Variants in SCAND3 observed in about 807,000 individuals in gnomAD.
SCAND3 encodes SCAN domain-containing protein 3.
At chr6:28,580,951 G>A in the SCAND3 span, among the ~76,000 whole-genome samples, 2 of 152,150 alleles carry the variant, frequency 1.3e-5, no homozygotes, top group South Asian at 2.1e-4. Flanking sequence ...ACCTTGGGTA[G>A]TGGTAATAAA....
At chr6:28,599,207 ACT>A in the SCAND3 span, among the ~76,000 whole-genome samples, 2 of 152,166 alleles carry the variant, frequency 1.3e-5, no homozygotes, top group South Asian at 4.1e-4. Flanking sequence ...GGATAGAAAA[ACT>A]CAATATTGTC....
chr6:28,574,816 G>C, the SCAND3 span: 1 of 1,614,036 alleles, frequency 6.2e-7, no homozygotes, highest in Non-Finnish European at 8.5e-7. Context: ...ATGTTGAGAG[G>C]GCACTCCACA....
the SCAND3 span, chr6:28,574,533 C>A: frequency 2.2e-6 from 2 of 916,076 alleles, no homozygotes; most frequent in South Asian, 3.4e-5. Flanking sequence ...GGAAATATAT[C>A]CAAGGTAATA....
chr6:28,610,069 C>T, the SCAND3 span, among the ~76,000 whole-genome samples: 104 of 152,156 alleles, frequency 6.8e-4, no homozygotes, highest in African/African-American at 2.4e-3. Flanking sequence ...ACTAAAAATA[C>T]AAAAATTAGC....
chr6:28,592,188 T>C, the SCAND3 span, among the ~76,000 whole-genome samples: 9 of 152,130 alleles, frequency 5.9e-5, no homozygotes, highest in Admixed American at 4.6e-4. The surrounding 1 kb of genome is among the most constrained non-coding windows in gnomAD (Gnocchi z 4.1). Flanking sequence ...GATCAGCAAA[T>C]AGAAATCCTA....
At chr6:28,591,637 C>A in the SCAND3 span, 2 of 152,032 alleles carry the variant, frequency 1.3e-5, no homozygotes, top group Admixed American at 6.5e-5. Context: ...GTTGTCTTAC[C>A]CTTACTATTA....
At chr6:28,608,737 A>G in the SCAND3 span, among the ~76,000 whole-genome samples, 195 of 152,242 alleles carry the variant, frequency 1.3e-3, no homozygotes, top group South Asian at 6.6e-3. Flanking sequence ...GGTGGCTTAC[A>G]CCTGTAATCC....
the SCAND3 span, among the ~76,000 whole-genome samples, chr6:28,615,125 A>G: frequency 1.3e-5 from 2 of 152,238 alleles, no homozygotes; most frequent in Non-Finnish European, 2.9e-5. Flanking sequence ...CACTGGTGGC[A>G]TAGAGCTCTC....
chr6:28,573,157 T>G, the SCAND3 span: 1 of 1,613,332 alleles, frequency 6.2e-7, no homozygotes, highest in Non-Finnish European at 8.5e-7. Context: ...AATTATCATG[T>G]TAGCAATATC....
chr6:28,615,484 G>A, the SCAND3 span, among the ~76,000 whole-genome samples: 10 of 151,698 alleles, frequency 6.6e-5, no homozygotes, highest in Admixed American at 2.0e-4. Flanking sequence ...ATGGTGGTGC[G>A]CGCCTGTAAT....
the SCAND3 span, chr6:28,586,756 T>C: frequency 6.4e-7 from 1 of 1,568,882 alleles, no homozygotes; most frequent in Non-Finnish European, 8.6e-7. The surrounding 1 kb of genome is among the most constrained non-coding windows in gnomAD (Gnocchi z 4.4). Flanking sequence ...TCTCTCCAGT[T>C]GGGGTCTAGG....
At chr6:28,581,193 C>T in the SCAND3 span, among the ~76,000 whole-genome samples, 1 of 152,040 alleles carries the variant, frequency 6.6e-6, no homozygotes, top group Non-Finnish European at 1.5e-5. Context: ...AAAAAATTAG[C>T]CAGGCATGGT....
At chr6:28,574,929 GCTTTTTT>G in the SCAND3 span, 1 of 1,613,742 alleles carries the variant, frequency 6.2e-7, no homozygotes, top group Non-Finnish European at 8.5e-7. Context: ...TCTCAGGAGG[GCTTTTTT>G]CAGCCACCTT....
chr6:28,585,859 G>GA, the SCAND3 span, among the ~76,000 whole-genome samples: 1 of 152,050 alleles, frequency 6.6e-6, no homozygotes, highest in Non-Finnish European at 1.5e-5. Flanking sequence ...TCTAGATACT[G>GA]AAAAGAACCA....
the SCAND3 span, chr6:28,573,070 T>C: frequency 6.2e-7 from 1 of 1,610,148 alleles, no homozygotes. Flanking sequence ...GCTAGTTGTG[T>C]TTGTAGGCAA....
At chr6:28,583,207 A>C in the SCAND3 span, among the ~76,000 whole-genome samples, 1 of 151,836 alleles carries the variant, frequency 6.6e-6, no homozygotes, top group African/African-American at 2.4e-5. Context: ...CCTGGTTAAC[A>C]CGGTGAAACC....
At chr6:28,614,120 C>T in the SCAND3 span, among the ~76,000 whole-genome samples, 12 of 152,100 alleles carry the variant, frequency 7.9e-5, no homozygotes, top group African/African-American at 1.7e-4. Flanking sequence ...TGTACCACCA[C>T]GCCCAGCTGA....
chr6:28,576,087 G>C, the SCAND3 span: 1 of 1,609,532 alleles, frequency 6.2e-7, no homozygotes, highest in Non-Finnish European at 8.5e-7. Flanking sequence ...AGCTACTGAG[G>C]TTATCACCAC....
At chr6:28,606,691 G>T in the SCAND3 span, among the ~76,000 whole-genome samples, 5 of 152,272 alleles carry the variant, frequency 3.3e-5, no homozygotes, top group Admixed American at 6.5e-5. Context: ...GAGCTCACAA[G>T]AACGTTCCCT....
Sources: allele counts gnomAD v4.1 joint callset (sites outside exome capture counted in the v4.1 genomes callset), GRCh38; gene constraint gnomAD v4.1.1; non-coding constraint Gnocchi (gnomAD v3.1); transcripts MANE v1.5; gene names NCBI Gene and HGNC (gene_info 2026-07-23, HGNC 2026-07-21).